Variants in SERAC1 observed in about 807,000 individuals in gnomAD.
The protein encoded by SERAC1 is protein SERAC1.
In SERAC1, 36 loss-of-function variants were observed where a neutral mutation model predicts 85.7. That is an observed-to-expected ratio of 0.42 (90% CI 0.32 to 0.55). The LOEUF (loss-of-function observed/expected upper bound fraction) is 0.55, where lower values mean the gene tolerates loss of function less well. Among genes scored for constraint, SERAC1 ranks in the 20% least tolerant of loss-of-function variants. The pLI, the probability that SERAC1 is intolerant of heterozygous loss-of-function variation, is 0.11. For synonymous variants in SERAC1, 242 were observed against 265.3 expected, an observed-to-expected ratio of 0.91 and a Z score of 0.85; for missense variants, 629 against 796.2, an observed-to-expected ratio of 0.79 and a Z score of 2.53.
At chr6:158,164,760 A>G (rs1785559942) in intron 1 of SERAC1, among the ~76,000 whole-genome samples, 2 of 152,184 alleles carry the variant, frequency 1.3e-5, no homozygotes, top group Admixed American at 1.3e-4. Flanking sequence ...GTAGCTAGGT[A>G]CACAGACAAC....
chr6:158,167,884 C>T (rs369385184), intron 1 of SERAC1, among the ~76,000 whole-genome samples: 189 of 152,196 alleles, frequency 1.2e-3, no homozygotes, highest in African/African-American at 4.4e-3. Flanking sequence ...GAAGACGGAC[C>T]GGCAGGTGCA....
At chr6:158,125,939 C>G (rs1784529804) in intron 10 of SERAC1, among the ~76,000 whole-genome samples, 1 of 151,746 alleles carries the variant, frequency 6.6e-6, no homozygotes, top group African/African-American at 2.4e-5. Flanking sequence ...AAAACAAACA[C>G]TCAAGTAATA....
chr6:158,158,230 A>G lies in SERAC1; in HGVS notation c.91+43T>C, dbSNP rs369690606. The G allele has an allele frequency of 2.8e-5, 40 of 1,431,698 alleles. 1 individual carries two copies. The highest frequency in any genetic ancestry group is 1.3e-4 in the South Asian group (11 of 83,110). 88.7% of individuals were successfully genotyped at this position (1,431,698 alleles called of 1,614,324 possible). ...TCTTAGAAATGGCCACAATTCTATC[A>G]CTGTTCCTATAAGAAAATAAGAGTT... On this transcript the variant is annotated intron_variant, in intron 2 of 16. Coordinates refer to ENST00000647468, the MANE Select transcript of SERAC1 (RefSeq NM_032861.4).
Position 158,146,862 on chromosome 6 carries a change from A to T in SERAC1, c.407T>A (p.Leu136His). The change falls in exon 6 of 17, where the codon CTC becomes CAC. Residue 136 changes from leucine (L) to histidine (H), a missense_variant. Physicochemically the swap from Leu to His is moderately conservative, Grantham distance 99. Coordinates refer to ENST00000647468, the MANE Select transcript of SERAC1 (RefSeq NM_032861.4). The stretch of plus-strand genomic sequence containing the variant: ...GTCATCTGACTTGCTCTTCCGTAGG[A>T]GCAGCCACACAGCACACTCATGATC... Reference protein sequence around the residue: ...IEDHECAVWLLLRKSKSDDKT... With the variant: ...IEDHECAVWLHLRKSKSDDKT... 2 of 1,613,904 alleles carry T rather than the reference A, an allele frequency of 1.2e-6. No homozygotes were observed. The highest frequency in any genetic ancestry group is 1.7e-6 in the Non-Finnish European group (2 of 1,179,870).
At chr6:158,135,057 G>T (rs1170812730) in intron 8 of SERAC1, among the ~76,000 whole-genome samples, 1 of 152,070 alleles carries the variant, frequency 6.6e-6, no homozygotes, top group Non-Finnish European at 1.5e-5. Flanking sequence ...GAGGAAGCAT[G>T]AGACAAACTA....
intron 16 of SERAC1, chr6:158,113,244 T>C: frequency 2.0e-6 from 1 of 512,570 alleles, no homozygotes; most frequent in Non-Finnish European, 3.4e-6. Context: ...ATCAGTTACA[T>C]AAAGGGCAGG....
intron 1 of SERAC1, among the ~76,000 whole-genome samples, chr6:158,165,229 C>T (rs978605936): frequency 6.6e-6 from 1 of 151,988 alleles, no homozygotes; most frequent in African/African-American, 2.4e-5. Flanking sequence ...GATCTCGGCT[C>T]ACTGCAAACT....
Position 158,120,695 on chromosome 6 carries a change from G to C in SERAC1, c.1016-120C>G. The stretch of plus-strand genomic sequence containing the variant: ...CAAACCTTGCGTGTCTGTCCTTGGC[G>C]GAGAAGTCCGACTATTCCAACCCCA... On this transcript the variant is annotated intron_variant, in intron 10 of 16. Coordinates refer to ENST00000647468, the MANE Select transcript of SERAC1 (RefSeq NM_032861.4). The surrounding 1 kb of genome is among the most constrained non-coding windows in gnomAD (Gnocchi z 4.4). 1.8e-6 allele frequency: 2 copies of C among 1,093,470 alleles called. No homozygotes were observed. The highest frequency in any genetic ancestry group is 2.6e-6 in the Non-Finnish European group (2 of 781,866). The allele number at this position is 1,093,470 out of a possible 1,614,324, so 67.7% of individuals were successfully genotyped here. A position where few individuals can be genotyped will look rare whatever the true frequency, so the allele number is the denominator to read the frequency against.
chr6:158,155,722 A>G lies in SERAC1; in HGVS notation c.92-371T>C, dbSNP rs553395105. On this transcript the variant is annotated intron_variant, in intron 2 of 16. Coordinates refer to ENST00000647468, the MANE Select transcript of SERAC1 (RefSeq NM_032861.4). ...CAACCCATTAAAGAAAGAAATGGGAAGCATTGTCCCTATCACTACTAGGAC... is the reference window on the plus strand; with the variant it reads ...CAACCCATTAAAGAAAGAAATGGGAGGCATTGTCCCTATCACTACTAGGAC... 5.9e-5 allele frequency among the ~76,000 whole-genome samples: 9 copies of G among 152,328 alleles called. No individual in the cohort carries two copies. The South Asian group carries it at 1.9e-3, about 32-fold the overall frequency.
intron 6 of SERAC1, chr6:158,145,847 T>G (rs2128420711): frequency 6.6e-6 from 1 of 152,250 alleles, no homozygotes; most frequent in African/African-American, 2.4e-5. Context: ...TTTCTACTTT[T>G]CCCATTTTTA....
In SERAC1 at chr6:158,158,347, T is replaced by C. The variant is rs1211833826; in HGVS notation, c.17A>G (p.Tyr6Cys). 1 of 1,613,588 alleles carries C rather than the reference T, an allele frequency of 6.2e-7. No homozygotes were observed. ...TATTCTTCTGCAACAGATGACGCAA[T>C]AAGCAGCCAGGGACATTCTGTGTAA... MSLAA[Y>C]CVICCRRIGT... is the part of the protein sequence containing the mutation. Residue 6 changes from tyrosine to cysteine, a missense_variant, in exon 2 of 17, where the codon TAT (tyrosine) becomes TGT (cysteine). Tyr to Cys is a radical substitution (Grantham distance 194, BLOSUM62 -2). Coordinates refer to ENST00000647468, the MANE Select transcript of SERAC1 (RefSeq NM_032861.4).
At chr6:158,165,011 T>G (rs889845723) in intron 1 of SERAC1, among the ~76,000 whole-genome samples, 2 of 152,182 alleles carry the variant, frequency 1.3e-5, no homozygotes, top group Non-Finnish European at 2.9e-5. Flanking sequence ...AGCAGCCAGA[T>G]AGAAGAATCC....
intron 7 of SERAC1, 98 bp from the exon 8 acceptor site, chr6:158,143,282 A>G: frequency 7.2e-7 from 1 of 1,388,672 alleles, no homozygotes; most frequent in Admixed American, 2.1e-5. Flanking sequence ...CATATATATC[A>G]AAGCCATATA....
intron 8 of SERAC1, among the ~76,000 whole-genome samples, chr6:158,141,223 C>T (rs1445239851): frequency 3.3e-5 from 5 of 152,112 alleles, no homozygotes; most frequent in African/African-American, 4.8e-5. Context: ...TCCATTCATA[C>T]GAAATGTCCA....
intron 1 of SERAC1, among the ~76,000 whole-genome samples, chr6:158,164,637 T>G (rs890197959): frequency 2.0e-5 from 3 of 152,142 alleles, no homozygotes; most frequent in African/African-American, 7.2e-5. Flanking sequence ...CCATTAAGTT[T>G]AACAATATGG....
intron 8 of SERAC1, among the ~76,000 whole-genome samples, chr6:158,136,392 C>A (rs1784793428): frequency 6.6e-6 from 1 of 152,084 alleles, no homozygotes; most frequent in Admixed American, 6.5e-5. Flanking sequence ...CAAAGGAGTC[C>A]ATGGTATTCA....
At chr6:158,155,156 C>G (rs1010359875) in intron 3 of SERAC1, among the ~76,000 whole-genome samples, 159 bp downstream of exon 3, 1 of 152,202 alleles carries the variant, frequency 6.6e-6, no homozygotes, top group African/African-American at 2.4e-5. Context: ...GAAACCACAT[C>G]ATGACAACAT....
At chr6:158,167,256 A>C (rs1220015701) in intron 1 of SERAC1, among the ~76,000 whole-genome samples, 1 of 144,570 alleles carries the variant, frequency 6.9e-6, no homozygotes, top group African/African-American at 2.5e-5. Flanking sequence ...AGGCAGCATG[A>C]GGTCGGGCGC....
intron 1 of SERAC1, among the ~76,000 whole-genome samples, chr6:158,163,921 G>C (rs907157781): frequency 3.3e-5 from 5 of 151,844 alleles, no homozygotes; most frequent in Non-Finnish European, 5.9e-5. Context: ...ATTTTGGGTA[G>C]AGACAGGGTT....
Sources: gnomAD v4.1 joint callset for allele counts (sites outside exome capture counted in the v4.1 genomes callset) on GRCh38, gnomAD v4.1.1 for gene constraint, Gnocchi (gnomAD v3.1) non-coding constraint, MANE v1.5 for transcripts, NCBI Gene and HGNC (gene_info 2026-07-23, HGNC 2026-07-21) for gene names.